The following TNRC6A variants were observed in gnomAD, a reference collection of about 807,000 sequenced individuals.
The protein encoded by TNRC6A is trinucleotide repeat containing adaptor 6A.
TNRC6A carries 44 observed loss-of-function variants against 221.2 expected under a neutral mutation model. The ratio of observed to expected loss-of-function variants is 0.20; its 90% CI spans 0.16 to 0.26. The LOEUF (loss-of-function observed/expected upper bound fraction) is 0.26. TNRC6A is among the 10% of genes least tolerant of loss of function. The probability of loss-of-function intolerance (pLI) is 1.00; values close to 1 mark genes in which losing one functional copy is unlikely to be tolerated. For synonymous variants in TNRC6A, 847 were observed against 838.5 expected, an observed-to-expected ratio of 1.01 and a Z score of -0.18; for missense variants, 2,199 against 2,404.4, an observed-to-expected ratio of 0.91 and a Z score of 1.79.
chr16:24,785,531 A>C (rs1288214997), intron 5 of TNRC6A, among the ~76,000 whole-genome samples: 1 of 152,186 alleles, frequency 6.6e-6, no homozygotes, highest in Non-Finnish European at 1.5e-5. Flanking sequence ...TATAGAAAGG[A>C]AATTGTTTTT....
At chr16:24,751,150 C>T (rs1021033827) in intron 3 of TNRC6A, among the ~76,000 whole-genome samples, 1 of 152,158 alleles carries the variant, frequency 6.6e-6, no homozygotes, top group Admixed American at 6.6e-5. Flanking sequence ...TGAAATCTCA[C>T]TCTCCCACAT....
At position 24,791,334 on chromosome 16, in the gene TNRC6A, T is replaced by C; in HGVS notation, c.2692T>C (p.Trp898Arg). The change falls in exon 6 of 25, where the codon TGG becomes CGG. Residue 898 changes from tryptophan to arginine, a missense_variant. Around this residue, in one of 8 missense-constraint regions of TNRC6A, gnomAD observed 1,405 missense variants for 1,400.2 expected, o/e 1.00. Transcript: ENST00000395799. The stretch of plus-strand genomic sequence containing the variant: ...ACTTGGTAAAACTAGTTCTTTCACT[T>C]GGGGAAACAACATAAATCCAAATAA... ...NELGKTSSFT[W>R]GNNINPNNSS... 1 of 1,604,408 alleles carries C rather than the reference T, an allele frequency of 6.2e-7. No individual in the cohort carries two copies. The highest frequency in any genetic ancestry group is 8.5e-7 in the Non-Finnish European group (1 of 1,175,034).
At chr16:24,710,185 A>G (rs1219465324) in intron 2 of TNRC6A, among the ~76,000 whole-genome samples, 1 of 151,552 alleles carries the variant, frequency 6.6e-6, no homozygotes, top group Non-Finnish European at 1.5e-5. Context: ...AGATCGCGCC[A>G]TTGCACTCCA....
intron 4 of TNRC6A, among the ~76,000 whole-genome samples, chr16:24,775,962 T>C (rs902945587): frequency 6.6e-6 from 1 of 152,210 alleles, no homozygotes; most frequent in African/African-American, 2.4e-5. Context: ...TATATAGCCT[T>C]ATGTTCTGTG....
chr16:24,669,924 A>T (rs1246502867), intron 2 of TNRC6A, among the ~76,000 whole-genome samples: 1 of 103,312 alleles, frequency 9.7e-6, no homozygotes, highest in African/African-American at 3.2e-5. Context: ...TCTCGTTATG[A>T]CCCTATGAGG....
intron 4 of TNRC6A, among the ~76,000 whole-genome samples, chr16:24,775,002 G>T (rs1004770109): frequency 1.3e-5 from 2 of 152,002 alleles, no homozygotes; most frequent in African/African-American, 4.8e-5. Flanking sequence ...TTGATCCATG[G>T]TTGGTTGAAT....
At chr16:24,721,167 G>A (rs1485864977) in intron 2 of TNRC6A, among the ~76,000 whole-genome samples, 1 of 152,168 alleles carries the variant, frequency 6.6e-6, no homozygotes, top group Non-Finnish European at 1.5e-5. Flanking sequence ...AGATGCAACC[G>A]GGTACAACCA....
chr16:24,793,601 T>C lies in TNRC6A; in HGVS notation c.3304T>C (p.Ser1102Pro). The C allele has an allele frequency of 6.4e-7, 1 of 1,558,372 alleles. No homozygotes were observed. Among genetic ancestry groups the C allele is most frequent in the South Asian group, 1.3e-5 (1 of 79,252 alleles). The change falls in exon 7 of 25, where the codon TCC (serine) becomes CCC (proline). Residue 1102 changes from serine (S) to proline (P), a missense_variant. Coordinates refer to ENST00000395799, the MANE Select transcript of TNRC6A (RefSeq NM_014494.4). ...ACCCATTGCTGCGGCATCCAGCACATCCACGTGGGGCTCCAGCTCTGTTGG... is the reference window on the plus strand; with the variant it reads ...ACCCATTGCTGCGGCATCCAGCACACCCACGTGGGGCTCCAGCTCTGTTGG... ...GEPIAAASSTSTWGSSSVGPQ... is the reference protein window; with the variant it reads ...GEPIAAASSTPTWGSSSVGPQ...
At chr16:24,618,745 T>G (rs1207120448) in intron 1 of TNRC6A, among the ~76,000 whole-genome samples, 1 of 133,248 alleles carries the variant, frequency 7.5e-6, no homozygotes, top group Non-Finnish European at 1.5e-5. Context: ...GCCTCCCACC[T>G]CAGCCTCCTT....
At chr16:24,631,030 A>G (rs1901305801) in intron 1 of TNRC6A, among the ~76,000 whole-genome samples, 1 of 152,120 alleles carries the variant, frequency 6.6e-6, no homozygotes, top group African/African-American at 2.4e-5. Flanking sequence ...AAGAAAAAAA[A>G]AAAAGGGACC....
chr16:24,635,394 C>T (rs1022423598), intron 1 of TNRC6A, among the ~76,000 whole-genome samples: 8 of 151,958 alleles, frequency 5.3e-5, no homozygotes, highest in Non-Finnish European at 7.4e-5. Flanking sequence ...GCCATTCTTC[C>T]GCCTCAGCCT....
Position 24,824,351 on chromosome 16 carries a change from A to G in TNRC6A, c.*544A>G, listed in dbSNP as rs1419159061. ...ATTGTGGTATCGTGGAGTTTAAAAG[A>G]TCAAGTTAGGATGCTGACTTAGGAT... On this transcript the variant is annotated 3_prime_UTR_variant, in exon 25 of 25. Transcript: ENST00000395799. 6.6e-6 allele frequency: 1 copy of G among 152,502 alleles called. No homozygotes were observed. The highest frequency in any genetic ancestry group is 1.5e-5 in the Non-Finnish European group (1 of 68,026). 9.4% of individuals were successfully genotyped at this position (152,502 alleles called of 1,614,324 possible).
chr16:24,817,367 A>C (rs1056742937), intron 20 of TNRC6A, among the ~76,000 whole-genome samples: 3 of 152,238 alleles, frequency 2.0e-5, no homozygotes, highest in African/African-American at 7.2e-5. Flanking sequence ...ACTGAGTTAC[A>C]AGATTATGGT....
At chr16:24,769,392 C>T (rs1329376779) in intron 4 of TNRC6A, among the ~76,000 whole-genome samples, 1 of 146,814 alleles carries the variant, frequency 6.8e-6, no homozygotes, top group Non-Finnish European at 1.5e-5. Flanking sequence ...TTAACTTGTT[C>T]ATTTTTGGAC....
intron 2 of TNRC6A, among the ~76,000 whole-genome samples, chr16:24,692,953 G>C (rs2055785241): frequency 6.6e-6 from 1 of 152,106 alleles, no homozygotes. Context: ...TCTCCGATTT[G>C]AGCCAAAGTC....
chr16:24,689,989 T>TA (rs60944175), intron 2 of TNRC6A, among the ~76,000 whole-genome samples: 2,165 of 97,254 alleles, frequency 0.022, 33 homozygotes, highest in Non-Finnish European at 0.027. Context: ...AGGCTTAAAG[T>TA]AAAAAAAAAA....
At chr16:24,765,011 C>T (rs1462723582) in intron 4 of TNRC6A, among the ~76,000 whole-genome samples, 4 of 152,086 alleles carry the variant, frequency 2.6e-5, no homozygotes, top group Non-Finnish European at 4.4e-5. Flanking sequence ...GTACTGTTCT[C>T]GCCTATTTTT....
chr16:24,708,237 T>C (rs2056135457), intron 2 of TNRC6A, among the ~76,000 whole-genome samples: 1 of 137,266 alleles, frequency 7.3e-6, no homozygotes, highest in Non-Finnish European at 1.5e-5. Context: ...TTTGATTACA[T>C]GGATGAGTTT....
chr16:24,766,426 A>C (rs1402359279), intron 4 of TNRC6A, among the ~76,000 whole-genome samples: 1 of 152,190 alleles, frequency 6.6e-6, no homozygotes. Flanking sequence ...CCTTGAAATG[A>C]CATGCTAGCA....
Sources: allele counts gnomAD v4.1 joint callset (sites outside exome capture counted in the v4.1 genomes callset), GRCh38; gene constraint gnomAD v4.1.1; regional missense constraint gnomAD v4.1.1; transcripts MANE v1.5; gene names NCBI Gene and HGNC (gene_info 2026-07-23, HGNC 2026-07-21).